Variants in DENND1A observed in about 807,000 individuals in gnomAD.
The protein encoded by DENND1A is DENN domain-containing protein 1A.
DENND1A carries 51 observed loss-of-function variants against 113.7 expected under a neutral mutation model. The ratio of observed to expected loss-of-function variants is 0.45; its 90% confidence interval spans 0.36 to 0.57. The LOEUF (loss-of-function observed/expected upper bound fraction) is 0.57, where lower values mean the gene tolerates loss of function less well. Among genes scored for constraint, DENND1A ranks in the 20% least tolerant of loss-of-function variants. The pLI, the probability that DENND1A is intolerant of heterozygous loss-of-function variation, is 0.00. For synonymous variants in DENND1A, 565 were observed against 570.8 expected (o/e 0.99, Z 0.14); for missense variants, 1,258 against 1,395.9 (o/e 0.90, Z 1.57).
intron 11 of DENND1A, 120 bp downstream of exon 11, chr9:123,609,316 T>C (rs1487320618): frequency 8.4e-6 from 9 of 1,068,058 alleles, no homozygotes; most frequent in South Asian, 1.6e-5. Flanking sequence ...CGCTGGGAGG[T>C]GCTGCTTCAG....
At chr9:123,621,476 T>C (rs1275513985) in intron 10 of DENND1A, among the ~76,000 whole-genome samples, 1 of 152,200 alleles carries the variant, frequency 6.6e-6, no homozygotes, top group Admixed American at 6.5e-5. Context: ...TGAGCCACCA[T>C]ACCTGGCCTC....
intron 1 of DENND1A, among the ~76,000 whole-genome samples, chr9:123,895,682 A>AGT (rs1850640410): frequency 6.6e-6 from 1 of 152,130 alleles, no homozygotes; most frequent in African/African-American, 2.4e-5. Context: ...AAGTGAAGAT[A>AGT]GAAACCTAAC....
chr9:123,860,378 T>A (rs942741578), intron 2 of DENND1A, among the ~76,000 whole-genome samples: 3 of 152,224 alleles, frequency 2.0e-5, no homozygotes, highest in Admixed American at 1.3e-4. Flanking sequence ...TTGTTTTTAA[T>A]CTGAATGATT....
intron 13 of DENND1A, among the ~76,000 whole-genome samples, chr9:123,539,204 C>A (rs912742487): frequency 6.6e-6 from 1 of 152,096 alleles, no homozygotes; most frequent in Non-Finnish European, 1.5e-5. Flanking sequence ...GCAAAAGGGA[C>A]TGAACCTCAG....
intron 10 of DENND1A, among the ~76,000 whole-genome samples, chr9:123,613,269 T>C (rs549507147): frequency 1.3e-5 from 2 of 152,180 alleles, no homozygotes; most frequent in African/African-American, 4.8e-5. Context: ...CTTGGACACA[T>C]TTTTAAAAAC....
intron 13 of DENND1A, among the ~76,000 whole-genome samples, chr9:123,460,991 G>C (rs1022537687): frequency 2.0e-5 from 3 of 152,238 alleles, no homozygotes; most frequent in Non-Finnish European, 2.9e-5. Context: ...AGGAAAGGGA[G>C]AGCTCCTTAA....
chr9:123,755,162 G>A (rs148682979), intron 5 of DENND1A, among the ~76,000 whole-genome samples: 453 of 143,940 alleles, frequency 3.1e-3, no homozygotes, highest in African/African-American at 0.011. Context: ...TTGCTCTGTC[G>A]CCCAGACTGG....
chr9:123,382,254 C>G lies in DENND1A; in HGVS notation c.2391G>C (p.Glu797Asp), dbSNP rs1056773667. 2 of 1,610,306 alleles carry G rather than the reference C, an allele frequency of 1.2e-6. No individual in the cohort carries two copies. Among genetic ancestry groups the G allele is most frequent in the African/African-American group, 1.3e-5 (1 of 74,900 alleles). Reference sequence around the variant, plus strand: ...GCCTGTCCCGATCCGTCTGCAGCCGCTCTGAGACGTCACCAAGTGCGGCGC... The same window carrying G: ...GCCTGTCCCGATCCGTCTGCAGCCGGTCTGAGACGTCACCAAGTGCGGCGC... ...AAGAALGDVS[E>D]RLQTDRDRRA... The change falls in exon 24 of 24, where the codon GAG becomes GAC. Residue 797 changes from glutamate to aspartate, a missense_variant. Physicochemically the swap from Glu to Asp is conservative, Grantham distance 45. This residue lies in a region of DENND1A where 1,159 missense variants were observed against 1,231.7 expected (regional missense o/e 0.94). Transcript: ENST00000394215.
intron 2 of DENND1A, among the ~76,000 whole-genome samples, chr9:123,807,303 A>G (rs1835754697): frequency 6.6e-6 from 1 of 152,292 alleles, no homozygotes; most frequent in Non-Finnish European, 1.5e-5. Context: ...GGGAAATTAG[A>G]TTTACATTAC....
At chr9:123,649,759 G>A (rs1383772231) in intron 9 of DENND1A, among the ~76,000 whole-genome samples, 2 of 152,058 alleles carry the variant, frequency 1.3e-5, no homozygotes, top group African/African-American at 4.8e-5. Context: ...TCTGTTTTTT[G>A]TGTTTGTAGA....
intron 11 of DENND1A, among the ~76,000 whole-genome samples, chr9:123,591,788 C>T (rs775886363): frequency 1.1e-4 from 16 of 152,122 alleles, no homozygotes; most frequent in East Asian, 1.9e-4. Flanking sequence ...GTCAGCTCAA[C>T]GAAAGCAAAT....
In DENND1A at chr9:123,433,621, C is replaced by G. The variant is rs989727555; in HGVS notation, c.1488+6739G>C. 3.9e-5 allele frequency among the ~76,000 whole-genome samples: 6 copies of G among 152,194 alleles called. No individual in the cohort carries two copies. In the South Asian group the frequency reaches 1.2e-3, roughly 32 times the overall value. ...ACATTCCAGTCCATCTTCAAATTTT[C>G]CAACTTTCCCAAGAATGTCTTTAAA... is the stretch of plus-strand genomic sequence containing the variant. On this transcript the variant is annotated intron_variant, in intron 19 of 23. Coordinates refer to ENST00000394215, the MANE Select transcript of DENND1A (RefSeq NM_001352964.2).
chr9:123,499,056 C>T (rs1399785272), intron 13 of DENND1A, among the ~76,000 whole-genome samples: 1 of 151,976 alleles, frequency 6.6e-6, no homozygotes, highest in Admixed American at 6.6e-5. Flanking sequence ...TTGTTTGAGA[C>T]TGAGTTTCAC....
intron 13 of DENND1A, among the ~76,000 whole-genome samples, chr9:123,488,429 A>G (rs2051073320): frequency 1.3e-5 from 2 of 152,376 alleles, no homozygotes; most frequent in South Asian, 2.1e-4. Flanking sequence ...ACAGATCCCA[A>G]TGAGGGAGTC....
chr9:123,894,653 T>A (rs1850437624), intron 1 of DENND1A, among the ~76,000 whole-genome samples: 1 of 152,220 alleles, frequency 6.6e-6, no homozygotes, highest in South Asian at 2.1e-4. Context: ...GTACTTTCCA[T>A]ATAAAGATAT....
chr9:123,466,692 T>C (rs546759342), intron 13 of DENND1A, among the ~76,000 whole-genome samples: 1 of 152,358 alleles, frequency 6.6e-6, no homozygotes, highest in East Asian at 1.9e-4. Flanking sequence ...TTGCCTTTCC[T>C]TCTATGTCAT....
chr9:123,502,257 C>CTA (rs2052554523), intron 13 of DENND1A, among the ~76,000 whole-genome samples: 3 of 152,058 alleles, frequency 2.0e-5, no homozygotes, highest in South Asian at 4.2e-4. Flanking sequence ...ATATCTATAT[C>CTA]TATATCTACA....
At chr9:123,739,133 A>G (rs1421336408) in intron 5 of DENND1A, among the ~76,000 whole-genome samples, 1 of 152,012 alleles carries the variant, frequency 6.6e-6, no homozygotes, top group African/African-American at 2.4e-5. Flanking sequence ...CTGTTCAACC[A>G]CTCTGATTTC....
chr9:123,531,546 TC>T (rs2055303135), intron 13 of DENND1A, among the ~76,000 whole-genome samples: 1 of 98,850 alleles, frequency 1.0e-5, no homozygotes. Context: ...TCTTCCCCCC[TC>T]TCTCTCTACA....
Sources: allele counts gnomAD v4.1 joint callset (sites outside exome capture counted in the v4.1 genomes callset), GRCh38; gene constraint gnomAD v4.1.1; regional missense constraint gnomAD v4.1.1; transcripts MANE v1.5; gene names NCBI Gene and HGNC (gene_info 2026-07-23, HGNC 2026-07-21).